Variants in KCNMA1 observed in about 807,000 individuals in gnomAD.
KCNMA1 encodes potassium calcium-activated channel subfamily M alpha 1.
Under a neutral mutation model 140.0 loss-of-function variants are expected in KCNMA1, and 29 were observed. The ratio of observed to expected loss-of-function variants is 0.21; its 90% CI spans 0.15 to 0.28. The LOEUF is 0.28. Among genes scored for constraint, KCNMA1 ranks in the 10% least tolerant of loss-of-function variants. The pLI, the probability that KCNMA1 is intolerant of heterozygous loss-of-function variation, is 1.00. For synonymous variants in KCNMA1, 612 were observed against 611.9 expected, an observed-to-expected ratio of 1.00 and a Z score of 0.00; for missense variants, 880 against 1,602.2, an observed-to-expected ratio of 0.55 and a Z score of 7.70.
At chr10:76,893,285 A>T (rs758032627) in intron 25 of KCNMA1, among the ~76,000 whole-genome samples, 2 of 152,186 alleles carry the variant, frequency 1.3e-5, no homozygotes, top group East Asian at 3.9e-4. Context: ...TTTTGGCCTC[A>T]TATCAGAGAC....
chr10:77,621,323 T>C (rs2091295597), intron 1 of KCNMA1, among the ~76,000 whole-genome samples: 1 of 152,210 alleles, frequency 6.6e-6, no homozygotes, highest in South Asian at 2.1e-4. Context: ...TTTATTTCTC[T>C]TTCACAGAAT....
intron 1 of KCNMA1, among the ~76,000 whole-genome samples, chr10:77,597,302 G>A (rs781284711): frequency 3.3e-5 from 5 of 152,008 alleles, no homozygotes; most frequent in Admixed American, 6.5e-5. Flanking sequence ...GATGAAAAAC[G>A]TAGTTATCAA....
At chr10:77,503,786 A>C (rs1344801938) in intron 1 of KCNMA1, among the ~76,000 whole-genome samples, 1 of 152,196 alleles carries the variant, frequency 6.6e-6, no homozygotes, top group Non-Finnish European at 1.5e-5. Flanking sequence ...TGACTGGTAC[A>C]TTCTCTGTTT....
chr10:77,393,148 G>C lies in KCNMA1; in HGVS notation c.540+10714C>G, dbSNP rs369465844. 1.6e-4 allele frequency among the ~76,000 whole-genome samples: 24 copies of C among 152,364 alleles called. No homozygotes were observed. The East Asian group carries it at 4.6e-3, about 29-fold the overall frequency. On this transcript the variant is annotated intron_variant, in intron 2 of 27. Transcript: ENST00000286628. The stretch of plus-strand genomic sequence containing the variant: ...CAAGCCTGAATTAAGTGTGTGCACA[G>C]AGCAAACATCATCATCTGGATGGAT...
chr10:77,416,773 C>A (rs947484478), intron 1 of KCNMA1, among the ~76,000 whole-genome samples: 6 of 152,198 alleles, frequency 3.9e-5, no homozygotes, highest in Non-Finnish European at 1.5e-5. Context: ...TCCTCAAAGC[C>A]TGAACAGCAC....
At chr10:76,983,831 T>C (rs866282382) in intron 19 of KCNMA1, among the ~76,000 whole-genome samples, 22 of 152,116 alleles carry the variant, frequency 1.4e-4, no homozygotes, top group Middle Eastern at 3.2e-3. Context: ...CTCAATAAAT[T>C]CATTTTCTCC....
At chr10:77,586,190 G>A (rs1466228143) in intron 1 of KCNMA1, 1 of 152,160 alleles carries the variant, frequency 6.6e-6, no homozygotes, top group Non-Finnish European at 1.5e-5. Context: ...GTCATCACTG[G>A]AGAGACTCTG....
At chr10:77,516,810 G>A (rs368686142) in intron 1 of KCNMA1, among the ~76,000 whole-genome samples, 10 of 152,136 alleles carry the variant, frequency 6.6e-5, no homozygotes, top group Non-Finnish European at 8.8e-5. Context: ...CTGTGTGAGC[G>A]GCTGGTGTGG....
At chr10:77,258,031 G>A (rs375474589) in intron 2 of KCNMA1, among the ~76,000 whole-genome samples, 18 of 152,170 alleles carry the variant, frequency 1.2e-4, no homozygotes, top group Non-Finnish European at 1.5e-5. Flanking sequence ...ACCTGGGTGT[G>A]AATCTCCACT....
intron 1 of KCNMA1, among the ~76,000 whole-genome samples, chr10:77,628,597 A>G (rs990814820): frequency 3.7e-4 from 56 of 151,818 alleles, no homozygotes; most frequent in African/African-American, 1.1e-3. Flanking sequence ...AGCCGAGATC[A>G]TGCCACTGCA....
chr10:77,137,829 T>A (rs1417193220), intron 5 of KCNMA1, among the ~76,000 whole-genome samples: 1 of 152,224 alleles, frequency 6.6e-6, no homozygotes, highest in African/African-American at 2.4e-5. Flanking sequence ...TCACCCATGC[T>A]GGAGTGCAGT....
intron 1 of KCNMA1, among the ~76,000 whole-genome samples, chr10:77,460,557 GCA>G (rs1389371737): frequency 6.9e-6 from 1 of 145,618 alleles, no homozygotes; most frequent in African/African-American, 2.7e-5. Flanking sequence ...ACACACACAC[GCA>G]CACCATGGAA....
intron 2 of KCNMA1, among the ~76,000 whole-genome samples, chr10:77,264,323 T>C (rs1482445431): frequency 2.0e-5 from 3 of 152,118 alleles, no homozygotes; most frequent in African/African-American, 7.2e-5. Context: ...ATCCTCTACA[T>C]GTGTGGGGCA....
At chr10:77,145,387 T>G (rs1281449340) in intron 5 of KCNMA1, among the ~76,000 whole-genome samples, 1 of 152,232 alleles carries the variant, frequency 6.6e-6, no homozygotes, top group Non-Finnish European at 1.5e-5. Flanking sequence ...CACATACAAG[T>G]GAATGTGGGC....
intron 1 of KCNMA1, among the ~76,000 whole-genome samples, chr10:77,477,880 A>G (rs150090866): frequency 2.4e-4 from 36 of 152,330 alleles, no homozygotes; most frequent in African/African-American, 7.2e-4. Flanking sequence ...AGACCCGGTT[A>G]AATGTGCTAG....
At chr10:77,069,213 G>A (rs2096086435) in intron 14 of KCNMA1, among the ~76,000 whole-genome samples, 1 of 152,198 alleles carries the variant, frequency 6.6e-6, no homozygotes, top group Non-Finnish European at 1.5e-5. Flanking sequence ...GCTAGGAGTA[G>A]GAGATCAGAC....
chr10:77,179,030 T>C (rs2098779516), intron 5 of KCNMA1, among the ~76,000 whole-genome samples: 1 of 152,218 alleles, frequency 6.6e-6, no homozygotes, highest in Non-Finnish European at 1.5e-5. Context: ...TGTTTTCTCC[T>C]GCGGTGCTTT....
chr10:77,034,318 G>A (rs1173936787), intron 15 of KCNMA1, among the ~76,000 whole-genome samples: 1 of 151,512 alleles, frequency 6.6e-6, no homozygotes, highest in African/African-American at 2.4e-5. Context: ...TTTGCAGCCA[G>A]GCTAAAGAAA....
At chr10:77,031,749 G>T (rs2093954247) in intron 15 of KCNMA1, among the ~76,000 whole-genome samples, 1 of 152,186 alleles carries the variant, frequency 6.6e-6, no homozygotes, top group African/African-American at 2.4e-5. Context: ...AGCTGGTGTG[G>T]TAATCACTTG....
Sources: gnomAD v4.1 joint callset for allele counts (sites outside exome capture counted in the v4.1 genomes callset) on GRCh38, gnomAD v4.1.1 for gene constraint, MANE v1.5 for transcripts, NCBI Gene and HGNC (gene_info 2026-07-23, HGNC 2026-07-21) for gene names.